The following UBE2L3 variants were observed in gnomAD, a reference collection of about 807,000 sequenced individuals.
UBE2L3 encodes ubiquitin-conjugating enzyme E2 L3.
In UBE2L3, 1 loss-of-function variant was observed where a neutral mutation model predicts 17.8. The observed-to-expected ratio is 0.06, with a 90% confidence interval of 0.02 to 0.27. The LOEUF (loss-of-function observed/expected upper bound fraction) is 0.27, where lower values mean the gene tolerates loss of function less well. Among genes scored for constraint, UBE2L3 ranks in the 10% least tolerant of loss-of-function variants. UBE2L3 has a pLI of 1.00. For synonymous variants in UBE2L3, 44 were observed against 68.5 expected, an observed-to-expected ratio of 0.64 and a Z score of 1.76; for missense variants, 40 against 192.6, an observed-to-expected ratio of 0.21 and a Z score of 4.69.
chr22:21,574,726 G>A (rs1276091550), intron 1 of UBE2L3, among the ~76,000 whole-genome samples: 1 of 152,308 alleles, frequency 6.6e-6, no homozygotes, highest in East Asian at 1.9e-4. Flanking sequence ...TAGCACCTTG[G>A]GAGGCCGAGG....
At chr22:21,567,086 G>T (rs1052241558), upstream of UBE2L3, among the ~76,000 whole-genome samples, 1 of 149,854 alleles carries the variant, frequency 6.7e-6, no homozygotes, top group Non-Finnish European at 1.5e-5. Context: ...ACCTCTCAAA[G>T]TATGTCCCCA....
In UBE2L3 at chr22:21,567,740, C is replaced by T. The variant is rs1302192709; in HGVS notation, c.-5C>T. ...TTCTGGGGAAGGAGCAGCACCAAAT[C>T]CAAGATGGCGGCCAGCAGGAGGCTG... On this transcript the variant is annotated 5_prime_UTR_variant, in exon 1 of 4. Transcript: ENST00000342192. The T allele has an allele frequency of 1.9e-6, 3 of 1,581,898 alleles. No individual in the cohort carries two copies. Among genetic ancestry groups the T allele is most frequent in the African/African-American group, 1.3e-5 (1 of 74,754 alleles).
In UBE2L3 at chr22:21,558,269, T is replaced by C. The variant is rs1367796540; in HGVS notation, c.201+8619T>C. Among the ~76,000 whole-genome samples, 52 of 150,860 alleles carry C rather than the reference T, an allele frequency of 3.4e-4. 1 individual carries two copies. Among genetic ancestry groups the C allele is most frequent in the African/African-American group, 1.2e-3 (47 of 40,244 alleles). On this transcript the variant is annotated intron_variant, in intron 1 of 3. Coordinates refer to the UBE2L3 transcript ENST00000458578. ...TGAGAGCCTGCAGGAGGGTTTAAGC[T>C]TCCCATCCCCCATTGCTACAGTAGC...
At chr22:21,582,160 C>T (rs1927678819) in intron 1 of UBE2L3, among the ~76,000 whole-genome samples, 1 of 150,598 alleles carries the variant, frequency 6.6e-6, no homozygotes, top group Non-Finnish European at 1.5e-5. Context: ...AAAAACAGTT[C>T]AGAACAACGT....
chr22:21,580,238 T>C (rs1927548632), intron 1 of UBE2L3, among the ~76,000 whole-genome samples: 1 of 152,192 alleles, frequency 6.6e-6, no homozygotes, highest in Admixed American at 6.5e-5. Flanking sequence ...GGGCATGCTC[T>C]ATACAAGTTC....
At chr22:21,603,021 A>G (rs1035100171) in intron 2 of UBE2L3, among the ~76,000 whole-genome samples, 1 of 152,132 alleles carries the variant, frequency 6.6e-6, no homozygotes, top group African/African-American at 2.4e-5. Flanking sequence ...GGAGGGGCGG[A>G]ATATGGGCTG....
chr22:21,567,581 G>A (rs1280339270), upstream of UBE2L3: 4 of 1,449,632 alleles, frequency 2.8e-6, no homozygotes, highest in African/African-American at 5.7e-5. Flanking sequence ...GTTCACTTGC[G>A]TTCCTCCACG....
chr22:21,600,417 C>T (rs868816550), intron 2 of UBE2L3, among the ~76,000 whole-genome samples: 9 of 152,090 alleles, frequency 5.9e-5, no homozygotes, highest in Non-Finnish European at 8.8e-5. Context: ...TGTTGCCGGC[C>T]GGGTGCAGTG....
upstream of UBE2L3, among the ~76,000 whole-genome samples, chr22:21,562,934 A>C (rs1320822990): frequency 1.4e-5 from 2 of 144,476 alleles, no homozygotes; most frequent in Non-Finnish European, 3.0e-5. Context: ...AGGAGAAGGA[A>C]GAAGCCACTT....
intron 2 of UBE2L3, among the ~76,000 whole-genome samples, chr22:21,605,418 CG>C (rs2148436262): frequency 6.6e-6 from 1 of 152,202 alleles, no homozygotes; most frequent in South Asian, 2.1e-4. Context: ...AGAGTTTCAC[CG>C]TGTTAGCCAG....
upstream of UBE2L3, among the ~76,000 whole-genome samples, chr22:21,567,365 A>G (rs1468429981): frequency 6.6e-6 from 1 of 152,138 alleles, no homozygotes; most frequent in Non-Finnish European, 1.5e-5. Flanking sequence ...GAGTTTCACC[A>G]CGTTGGCCAG....
At chr22:21,591,141 T>C (rs548492707) in intron 1 of UBE2L3, among the ~76,000 whole-genome samples, 4 of 152,288 alleles carry the variant, frequency 2.6e-5, no homozygotes, top group African/African-American at 7.2e-5. Context: ...TACCTCCTTA[T>C]GCAGGGAAAG....
intron 1 of UBE2L3, among the ~76,000 whole-genome samples, chr22:21,555,935 G>C (rs1455478591): frequency 4.0e-5 from 6 of 151,714 alleles, no homozygotes; most frequent in African/African-American, 1.5e-4. Flanking sequence ...CCATCTCAAA[G>C]AGAAATAAAA....
At chr22:21,567,397 G>T (rs140490), upstream of UBE2L3, 73,237 of 258,566 alleles carry the variant, frequency 0.28, 12,276 homozygotes, top group East Asian at 0.49. Context: ...ACTCGTGACC[G>T]CGTGATCCAC....
rs144663776 is a variant in UBE2L3, at chr22:21,571,372, A to G, written c.27+3601A>G. On this transcript the variant is annotated intron_variant, in intron 1 of 3. Coordinates refer to ENST00000342192, the MANE Select transcript of UBE2L3 (RefSeq NM_003347.4). ...CTTTTCTCAGAGGGGAAATCTGTGG[A>G]TTTAGAGGGGTGTGTGTGTAATGTC... Among the ~76,000 whole-genome samples the G allele has an allele frequency of 4.4e-3, 675 of 152,222 alleles. 7 individuals carry two copies. The highest frequency in any genetic ancestry group is 0.015 in the African/African-American group (618 of 41,538).
At position 21,596,874 on chromosome 22, in the gene UBE2L3, G is replaced by T. The variant is rs181666569; in HGVS notation, c.123+3918G>T. ...TATTTTACTTTTTTTTTGTTTTTACGTTACAGCCATTCTAGTTGGTATGTA... is the reference window on the plus strand; with the variant it reads ...TATTTTACTTTTTTTTTGTTTTTACTTTACAGCCATTCTAGTTGGTATGTA... On this transcript the variant is annotated intron_variant, in intron 2 of 3. Coordinates refer to ENST00000342192, the MANE Select transcript of UBE2L3 (RefSeq NM_003347.4). Among the ~76,000 whole-genome samples, 508 of 151,902 alleles carry T rather than the reference G, an allele frequency of 3.3e-3. 2 individuals carry two copies. The highest frequency in any genetic ancestry group is 0.012 in the African/African-American group (484 of 41,444).
chr22:21,558,842 C>T (rs1926331712), intron 1 of UBE2L3, among the ~76,000 whole-genome samples: 2 of 152,134 alleles, frequency 1.3e-5, no homozygotes, highest in South Asian at 2.1e-4. Flanking sequence ...TTTGCTGTCT[C>T]CTCCATGTCT....
chr22:21,566,126 C>A (rs1291144292), upstream of UBE2L3, among the ~76,000 whole-genome samples: 3 of 152,000 alleles, frequency 2.0e-5, no homozygotes, highest in Non-Finnish European at 2.9e-5. Context: ...TCGCCCACCA[C>A]CACACCTGGC....
intron 3 of UBE2L3, among the ~76,000 whole-genome samples, chr22:21,618,429 G>C (rs1929890430): frequency 6.6e-6 from 1 of 151,886 alleles, no homozygotes; most frequent in Admixed American, 6.6e-5. Context: ...AGCCGGGCAT[G>C]GTGGCAGGTG....
Sources: allele counts gnomAD v4.1 joint callset (sites outside exome capture counted in the v4.1 genomes callset), GRCh38; gene constraint gnomAD v4.1.1; transcripts MANE v1.5; gene names NCBI Gene and HGNC (gene_info 2026-07-23, HGNC 2026-07-21).